PDIA6: variants seen among roughly 807,000 people sequenced by gnomAD.
The protein encoded by PDIA6 is protein disulfide isomerase family A member 6.
PDIA6 carries 29 observed loss-of-function variants against 58.4 expected under a neutral mutation model. That is an observed-to-expected ratio of 0.50 (90% CI 0.37 to 0.68). The LOEUF (loss-of-function observed/expected upper bound fraction) is 0.68, where lower values mean the gene tolerates loss of function less well. Ranked by LOEUF, PDIA6 falls within the 30% of genes least tolerant of loss-of-function variation. The pLI, the probability that PDIA6 is intolerant of heterozygous loss-of-function variation, is 0.00. For synonymous variants in PDIA6, 192 were observed against 202.6 expected, an observed-to-expected ratio of 0.95 and a Z score of 0.44; for missense variants, 480 against 551.0, an observed-to-expected ratio of 0.87 and a Z score of 1.29.
At chr2:10,791,728 C>G in intron 6 of PDIA6, 67 bp downstream of exon 6, 2 of 1,456,982 alleles carry the variant, frequency 1.4e-6, no homozygotes, top group South Asian at 2.6e-5. Flanking sequence ...TCAGCTCTTT[C>G]AAAATAAGCT....
chr2:10,819,083 C>T (rs1458415386), intron 2 of PDIA6, among the ~76,000 whole-genome samples: 4 of 152,118 alleles, frequency 2.6e-5, no homozygotes, highest in South Asian at 2.1e-4. Flanking sequence ...CTTAGCCTAA[C>T]GTCTTCAAGG....
chr2:10,783,555 T>G lies in PDIA6; in HGVS notation c.*703A>C, dbSNP rs1484176515. 6.8e-6 allele frequency: 2 copies of G among 294,894 alleles called. No individual in the cohort carries two copies. Among genetic ancestry groups the G allele is most frequent in the South Asian group, 3.6e-5 (1 of 27,724 alleles). The allele number at this position is 294,894 out of a possible 1,614,324, so 18.3% of individuals were successfully genotyped here. ...TGTATTTCATGTCTTAACGGCTATTTTGAGGTTCATTAACAACATAGAAAG... is the reference window on the plus strand; with the variant it reads ...TGTATTTCATGTCTTAACGGCTATTGTGAGGTTCATTAACAACATAGAAAG... On this transcript the variant is annotated 3_prime_UTR_variant, in exon 13 of 13. Transcript: ENST00000272227.
At position 10,786,044 on chromosome 2, in the gene PDIA6, C is replaced by T. The variant is rs575949751; in HGVS notation, c.1158-1014G>A. Among the ~76,000 whole-genome samples, 7 of 152,240 alleles carry T rather than the reference C, an allele frequency of 4.6e-5. No homozygotes were observed. In the South Asian group the frequency reaches 1.2e-3, roughly 27 times the overall value. ...AACTTAATGAAAACACCCCCTTGGCCAGGCGTGGTGGCTCACACCTGTAAT... is the reference window on the plus strand; with the variant it reads ...AACTTAATGAAAACACCCCCTTGGCTAGGCGTGGTGGCTCACACCTGTAAT... On this transcript the variant is annotated intron_variant, in intron 11 of 12. Coordinates refer to ENST00000272227, the MANE Select transcript of PDIA6 (RefSeq NM_005742.4).
upstream of PDIA6, among the ~76,000 whole-genome samples, chr2:10,816,305 G>A (rs562215677): frequency 2.0e-5 from 3 of 151,198 alleles, no homozygotes; most frequent in South Asian, 2.1e-4. Flanking sequence ...GGCTGGTCTC[G>A]AACTCCCAGC....
intron 1 of PDIA6, among the ~76,000 whole-genome samples, chr2:10,825,256 GTC>G (rs1667520409): frequency 2.5e-5 from 2 of 81,526 alleles, no homozygotes; most frequent in African/African-American, 5.9e-5. Context: ...CTCTCTCTCT[GTC>G]TCTCTCTGTC....
intron 1 of PDIA6, among the ~76,000 whole-genome samples, chr2:10,806,900 C>A (rs925025161): frequency 2.0e-5 from 3 of 152,070 alleles, no homozygotes; most frequent in African/African-American, 7.2e-5. Flanking sequence ...ATAAGCTATA[C>A]CATGTAGCCT....
chr2:10,806,419 T>C (rs1362962244), intron 1 of PDIA6, among the ~76,000 whole-genome samples: 4 of 146,784 alleles, frequency 2.7e-5, no homozygotes, highest in Admixed American at 7.0e-5. Context: ...TTTTGTATAA[T>C]GCGTTTTAAG....
chr2:10,836,701 A>G (rs4669634), upstream of PDIA6, among the ~76,000 whole-genome samples: 47,396 of 151,868 alleles, frequency 0.31, 7,677 homozygotes, highest in East Asian at 0.44. Flanking sequence ...ACCTGTGCCA[A>G]TCTTCCCCTT....
intron 1 of PDIA6, among the ~76,000 whole-genome samples, chr2:10,824,073 C>A (rs1179068446): frequency 6.6e-6 from 1 of 152,162 alleles, no homozygotes; most frequent in Non-Finnish European, 1.5e-5. Context: ...TTGTTGGTGT[C>A]ATTGCCAAGA....
chr2:10,797,734 G>A lies in PDIA6; in HGVS notation c.185C>T (p.Thr62Ile). Residue 62 changes from threonine to isoleucine, a missense_variant, in exon 3 of 13, where the codon ACA (threonine) becomes ATA (isoleucine). By Grantham distance (89) the Thr-to-Ile change is moderately conservative. Coordinates refer to ENST00000272227, the MANE Select transcript of PDIA6 (RefSeq NM_005742.4). ...APWCGHCQRL[T>I]PEWKKAATAL... ...AGTTGCTGCTTTCTTCCATTCTGGT[G>A]TTAATCTTTGACAGTGACCACACCT... 6.2e-7 allele frequency: 1 copy of A among 1,613,062 alleles called. No individual in the cohort carries two copies. Among genetic ancestry groups the A allele is most frequent in the Non-Finnish European group, 8.5e-7 (1 of 1,179,532 alleles).
Position 10,823,120 on chromosome 2 carries a change from CTTGCTCAT to C in PDIA6, c.-47-3774_-47-3767del, listed in dbSNP as rs1220336178. The C allele has an allele frequency of 6.6e-5, 10 of 152,332 alleles. No homozygotes were observed. In the East Asian group the frequency reaches 1.9e-3, roughly 29 times the overall value. 9.4% of individuals were successfully genotyped at this position (152,332 alleles called of 1,614,324 possible). A position where few individuals can be genotyped will look rare whatever the true frequency, so the allele number is the denominator to read the frequency against. On this transcript the variant is annotated intron_variant, in intron 1 of 13. Coordinates refer to the PDIA6 transcript ENST00000381611. ...AGTAGAGGTGGCCTGGACAAATCAC[CTTGCTCAT>C]TTTTTCTTGTGTTTCAGAGGTTAGA... is the stretch of plus-strand genomic sequence containing the variant.
exon 1 of PDIA6, chr2:10,837,602 T>G: frequency 1.0e-6 from 1 of 980,960 alleles, no homozygotes. Flanking sequence ...GTGATTATCC[T>G]CATTTTGCAG....
intron 2 of PDIA6, among the ~76,000 whole-genome samples, chr2:10,798,924 A>G (rs747944830): frequency 1.3e-5 from 2 of 152,206 alleles, no homozygotes; most frequent in Non-Finnish European, 2.9e-5. Context: ...GGACTTAGAA[A>G]CACATGCATA....
Position 10,784,057 on chromosome 2 carries a change from A to T in PDIA6, c.*201T>A, listed in dbSNP as rs1182148132. On this transcript the variant is annotated 3_prime_UTR_variant, in exon 13 of 13. Transcript: ENST00000272227. ...GAATACGACTCAATTCACCGGCTAC[A>T]ACAATTCATAGAATTTTTCAATGTT... is the stretch of plus-strand genomic sequence containing the variant. 9.2e-6 allele frequency: 4 copies of T among 434,278 alleles called. No homozygotes were observed. The highest frequency in any genetic ancestry group is 1.6e-5 in the Non-Finnish European group (4 of 245,312). The allele number at this position is 434,278 out of a possible 1,614,324, so 26.9% of individuals were successfully genotyped here. A position where few individuals can be genotyped will look rare whatever the true frequency, so the allele number is the denominator to read the frequency against.
chr2:10,819,246 TC>T (rs1558460788), intron 2 of PDIA6: 52 of 1,371,264 alleles, frequency 3.8e-5, no homozygotes, highest in Non-Finnish European at 5.2e-5. Flanking sequence ...AGATGGAGGC[TC>T]CTACTCTGGG....
At chr2:10,832,616 G>C (rs1177715093), upstream of PDIA6, 2 of 161,722 alleles carry the variant, frequency 1.2e-5, no homozygotes, top group African/African-American at 2.4e-5. Flanking sequence ...GCTGTACTTA[G>C]ATACAATATT....
At chr2:10,792,375 A>G (rs1021973285) in intron 5 of PDIA6, among the ~76,000 whole-genome samples, 1 of 152,188 alleles carries the variant, frequency 6.6e-6, no homozygotes, top group Admixed American at 6.5e-5. Flanking sequence ...GTTCTTCAGT[A>G]CTAAATCTAA....
Position 10,788,078 on chromosome 2 carries a change from A to G in PDIA6, c.998+619T>C, listed in dbSNP as rs565113471. On this transcript the variant is annotated intron_variant, in intron 10 of 12. Transcript: ENST00000272227. ...GAGACTCTGTCTCAAAAAAAAAAAA[A>G]AAGGATAAAATAGGAAAGAGATACA... Among the ~76,000 whole-genome samples, 193 of 151,914 alleles carry G rather than the reference A, an allele frequency of 1.3e-3. 2 individuals carry two copies. The highest frequency in any genetic ancestry group is 4.5e-3 in the African/African-American group (186 of 41,486).
At chr2:10,812,822 G>C, upstream of PDIA6, 2 of 1,181,754 alleles carry the variant, frequency 1.7e-6, no homozygotes, top group Non-Finnish European at 2.1e-6. Context: ...GGGCGGCCGC[G>C]CGGGGGCGGG....
Sources: allele counts gnomAD v4.1 joint callset (sites outside exome capture counted in the v4.1 genomes callset), GRCh38; gene constraint gnomAD v4.1.1; transcripts MANE v1.5; gene names NCBI Gene and HGNC (gene_info 2026-07-23, HGNC 2026-07-21).